Variants in KCNQ3 observed in about 807,000 individuals in gnomAD.
The protein encoded by KCNQ3 is potassium voltage-gated channel subfamily Q member 3.
Under a neutral mutation model 92.5 loss-of-function variants are expected in KCNQ3, and 30 were observed. The observed-to-expected ratio is 0.32, with a 90% CI of 0.24 to 0.44. The LOEUF is 0.44. Among genes scored for constraint, KCNQ3 ranks in the 20% least tolerant of loss-of-function variants. The pLI is 1.00. For missense variants in KCNQ3, 913 were observed against 1,140.3 expected (o/e 0.80, Z 2.87); for synonymous variants, 450 against 468.8 (o/e 0.96, Z 0.52).
intron 1 of KCNQ3, among the ~76,000 whole-genome samples, chr8:132,456,603 A>T (rs986944714): frequency 1.8e-3 from 273 of 149,920 alleles, no homozygotes; most frequent in Non-Finnish European, 3.2e-3. Context: ...TTTTTTTTTT[A>T]TTTTATTTAT....
chr8:132,387,209 C>T (rs75560174), intron 1 of KCNQ3, among the ~76,000 whole-genome samples: 251 of 152,216 alleles, frequency 1.6e-3, no homozygotes, highest in African/African-American at 5.5e-3. Flanking sequence ...TAATTCAAGA[C>T]GTCTGAAAAT....
intron 1 of KCNQ3, among the ~76,000 whole-genome samples, chr8:132,469,298 C>T (rs2130864932): frequency 6.6e-6 from 1 of 152,310 alleles, no homozygotes; most frequent in South Asian, 2.1e-4. Flanking sequence ...AGACAAGGTC[C>T]TAATTGTGGG....
chr8:132,363,139 T>C (rs1271708365), intron 1 of KCNQ3, among the ~76,000 whole-genome samples: 4 of 152,178 alleles, frequency 2.6e-5, no homozygotes, highest in Non-Finnish European at 5.9e-5. Context: ...AACCAGCCAC[T>C]TGTAGGAGAG....
intron 1 of KCNQ3, among the ~76,000 whole-genome samples, chr8:132,218,369 G>A (rs1814111319): frequency 6.6e-6 from 1 of 152,232 alleles, no homozygotes; most frequent in Non-Finnish European, 1.5e-5. Flanking sequence ...TCTGGCACAT[G>A]TGGGCACACA....
At chr8:132,391,187 G>C (rs1173484702) in intron 1 of KCNQ3, among the ~76,000 whole-genome samples, 1 of 152,092 alleles carries the variant, frequency 6.6e-6, no homozygotes, top group Non-Finnish European at 1.5e-5. Context: ...GTGCTAATGG[G>C]CACAATGCTA....
In KCNQ3 at chr8:132,128,570, C is replaced by G. The variant is rs1824747060; in HGVS notation, c.*692G>C. The G allele has an allele frequency of 6.7e-6, 1 of 149,888 alleles. No individual in the cohort carries two copies. 9.3% of individuals were successfully genotyped at this position (149,888 alleles called of 1,614,324 possible). A position where few individuals can be genotyped will look rare whatever the true frequency, so the allele number is the denominator to read the frequency against. On this transcript the variant is annotated 3_prime_UTR_variant, in exon 15 of 15. Transcript: ENST00000388996. ...GTTTTCTCCCTGCCAATTCATAACT[C>G]ATCAGAAATGCTACACTTGGGATTA... is the stretch of plus-strand genomic sequence containing the variant.
intron 1 of KCNQ3, among the ~76,000 whole-genome samples, chr8:132,230,887 C>A (rs1814625373): frequency 6.6e-6 from 1 of 152,126 alleles, no homozygotes. Flanking sequence ...ATGTTGAAGT[C>A]CTAATCCACA....
At position 132,415,182 on chromosome 8, in the gene KCNQ3, C is replaced by T. The variant is rs761512050; in HGVS notation, c.386+64965G>A. Among the ~76,000 whole-genome samples the T allele has an allele frequency of 7.2e-5, 11 of 152,322 alleles. No homozygotes were observed. In the South Asian group the frequency reaches 2.3e-3, roughly 32 times the overall value. ...CTGCCTCAACCTCCACTCCAGGGTA[C>T]TTCTCTCTTGTCTTTCATTTCTACT... On this transcript the variant is annotated intron_variant, in intron 1 of 14. Transcript: ENST00000388996.
chr8:132,394,838 T>C (rs1002026508), intron 1 of KCNQ3, among the ~76,000 whole-genome samples: 1 of 152,134 alleles, frequency 6.6e-6, no homozygotes, highest in African/African-American at 2.4e-5. Context: ...AGCCAGTGAG[T>C]GCGCCTTGGC....
At chr8:132,136,642 T>C (rs1429682408) in intron 12 of KCNQ3, among the ~76,000 whole-genome samples, 1 of 152,138 alleles carries the variant, frequency 6.6e-6, no homozygotes, top group Admixed American at 6.5e-5. Context: ...ATATATTAGT[T>C]AACATCATCA....
chr8:132,186,960 G>GAC (rs1209049955), intron 1 of KCNQ3, among the ~76,000 whole-genome samples: 23 of 134,320 alleles, frequency 1.7e-4, no homozygotes, highest in African/African-American at 6.7e-4. Context: ...GAGAGACAGA[G>GAC]AGAGAGAGAG....
At chr8:132,223,729 T>G (rs1490539398) in intron 1 of KCNQ3, among the ~76,000 whole-genome samples, 2 of 152,166 alleles carry the variant, frequency 1.3e-5, no homozygotes, top group East Asian at 3.8e-4. Context: ...TAAATTTTTA[T>G]AAACTCTGGG....
chr8:132,329,834 C>T (rs1563862831), intron 1 of KCNQ3, among the ~76,000 whole-genome samples: 1 of 152,164 alleles, frequency 6.6e-6, no homozygotes, highest in Non-Finnish European at 1.5e-5. Flanking sequence ...GACTACCCCA[C>T]ATGGTTGTGC....
At chr8:132,466,534 G>A (rs1822176021) in intron 1 of KCNQ3, among the ~76,000 whole-genome samples, 1 of 152,138 alleles carries the variant, frequency 6.6e-6, no homozygotes, top group South Asian at 2.1e-4. Flanking sequence ...GTTCTAGATG[G>A]CATTCCAGGG....
chr8:132,319,110 C>A (rs1817825511), intron 1 of KCNQ3, among the ~76,000 whole-genome samples: 1 of 152,132 alleles, frequency 6.6e-6, no homozygotes, highest in South Asian at 2.1e-4. Context: ...AGTGAAAGGG[C>A]ATGTCTGGGG....
At chr8:132,197,939 A>G (rs1827349507) in intron 1 of KCNQ3, among the ~76,000 whole-genome samples, 4 of 152,222 alleles carry the variant, frequency 2.6e-5, no homozygotes, top group Non-Finnish European at 5.9e-5. Context: ...CAGCTGTGGC[A>G]AGTACACTCT....
intron 1 of KCNQ3, among the ~76,000 whole-genome samples, chr8:132,227,058 C>CTT (rs1563813401): frequency 1.1e-5 from 1 of 88,662 alleles, no homozygotes. Flanking sequence ...ACATATCTCA[C>CTT]TCTTTTTTTT....
At chr8:132,346,058 T>G (rs928144255) in intron 1 of KCNQ3, among the ~76,000 whole-genome samples, 2 of 151,974 alleles carry the variant, frequency 1.3e-5, no homozygotes, top group South Asian at 2.1e-4. Context: ...ATGGTGATGA[T>G]GGAATGGTCA....
At chr8:132,217,865 A>G (rs567274874) in intron 1 of KCNQ3, among the ~76,000 whole-genome samples, 1 of 152,320 alleles carries the variant, frequency 6.6e-6, no homozygotes, top group African/African-American at 2.4e-5. Flanking sequence ...GCCTACTTCA[A>G]TAAATAGATA....
Sources: gnomAD v4.1 joint callset for allele counts (sites outside exome capture counted in the v4.1 genomes callset) on GRCh38, gnomAD v4.1.1 for gene constraint, MANE v1.5 for transcripts, NCBI Gene and HGNC (gene_info 2026-07-23, HGNC 2026-07-21) for gene names.